Variants in CCDC149 observed in about 807,000 individuals in gnomAD.
The protein encoded by CCDC149 is coiled-coil domain-containing protein 149.
CCDC149 carries 45 observed loss-of-function variants against 59.9 expected under a neutral mutation model. That is an observed-to-expected ratio of 0.75 (90% confidence interval 0.59 to 0.96). CCDC149 has a LOEUF of 0.96. Ranked by LOEUF, CCDC149 falls within the 40% of genes least tolerant of loss-of-function variation. CCDC149 has a pLI of 0.00. For synonymous variants in CCDC149, 245 were observed against 260.6 expected, an observed-to-expected ratio of 0.94 and a Z score of 0.58; for missense variants, 584 against 664.7, an observed-to-expected ratio of 0.88 and a Z score of 1.33.
chr4:24,834,680 G>C (rs146005182), intron 8 of CCDC149, among the ~76,000 whole-genome samples: 1 of 152,142 alleles, frequency 6.6e-6, no homozygotes, highest in Non-Finnish European at 1.5e-5. Flanking sequence ...CTAATCCAGC[G>C]TCAGTATCAC....
chr4:24,975,356 G>A lies in CCDC149; in HGVS notation c.-65+4713C>T, dbSNP rs561308894. Among the ~76,000 whole-genome samples, 334 of 144,570 alleles carry A rather than the reference G, an allele frequency of 2.3e-3. 3 individuals carry two copies. Among genetic ancestry groups the A allele is most frequent in the African/African-American group, 8.2e-3 (316 of 38,722 alleles). The allele number at this position is 144,570 out of a possible 152,430, so 94.8% of individuals were successfully genotyped here. A position where few individuals can be genotyped will look rare whatever the true frequency, so the allele number is the denominator to read the frequency against. On this transcript the variant is annotated intron_variant, in intron 1 of 12. Transcript: ENST00000389609. The stretch of plus-strand genomic sequence containing the variant: ...AGAAGGGGGAAGGAGAGGGAGGGGA[G>A]GGGAGGAGAAGGCAGAGAAGAGGAG...
In CCDC149 at chr4:24,892,984, G is replaced by A. The variant is rs140487266; in HGVS notation, c.64-16287C>T. On this transcript the variant is annotated intron_variant, in intron 1 of 12. Coordinates refer to ENST00000635206, the MANE Select transcript of CCDC149 (RefSeq NM_001330643.2). ...AAGCACTCCAGACAGAGAGAAAAGGGGGCTGATCGCCCTCATTAACAAACC... is the reference window on the plus strand; with the variant it reads ...AAGCACTCCAGACAGAGAGAAAAGGAGGCTGATCGCCCTCATTAACAAACC... 1.3e-4 allele frequency among the ~76,000 whole-genome samples: 20 copies of A among 152,244 alleles called. No homozygotes were observed. The East Asian group carries it at 3.9e-3, about 29-fold the overall frequency.
chr4:24,910,510 C>G (rs958679301), intron 1 of CCDC149, among the ~76,000 whole-genome samples: 1 of 152,110 alleles, frequency 6.6e-6, no homozygotes, highest in African/African-American at 2.4e-5. Context: ...GACCCATAAA[C>G]TTGAATTTTT....
At chr4:24,848,965 A>C (rs749943679) in intron 4 of CCDC149, among the ~76,000 whole-genome samples, 12 of 152,160 alleles carry the variant, frequency 7.9e-5, no homozygotes, top group Non-Finnish European at 1.8e-4. Context: ...TCAGGCATCC[A>C]CTGGGGGTCT....
intron 1 of CCDC149, among the ~76,000 whole-genome samples, chr4:24,959,703 G>GA (rs1723581925): frequency 6.6e-6 from 1 of 152,144 alleles, no homozygotes; most frequent in Non-Finnish European, 1.5e-5. Context: ...TAAAGACAGA[G>GA]ATGACAACAG....
At chr4:24,978,474 T>C (rs985041867) in intron 1 of CCDC149, among the ~76,000 whole-genome samples, 2 of 152,220 alleles carry the variant, frequency 1.3e-5, no homozygotes, top group African/African-American at 4.8e-5. Context: ...TCACATTCTA[T>C]TTCTGTTGGC....
chr4:24,946,320 C>A (rs2109351775), intron 1 of CCDC149, among the ~76,000 whole-genome samples: 1 of 152,264 alleles, frequency 6.6e-6, no homozygotes, highest in African/African-American at 2.4e-5. Context: ...TCCAATAAAT[C>A]CCTTTTTGTA....
intron 3 of CCDC149, among the ~76,000 whole-genome samples, chr4:24,872,974 G>A (rs116276963): frequency 5.4e-4 from 39 of 72,614 alleles, no homozygotes; most frequent in African/African-American, 1.5e-3. Context: ...GTATGCACCC[G>A]CAGAATGGTA....
intron 1 of CCDC149, among the ~76,000 whole-genome samples, chr4:24,880,514 G>A (rs1487991115): frequency 6.6e-6 from 1 of 152,128 alleles, no homozygotes; most frequent in Non-Finnish European, 1.5e-5. Flanking sequence ...AAATTTCTTG[G>A]CCTCATTCTA....
downstream of CCDC149, among the ~76,000 whole-genome samples, chr4:24,803,804 A>C (rs1442918544): frequency 6.6e-6 from 1 of 152,236 alleles, no homozygotes; most frequent in East Asian, 1.9e-4. This position sits in a 1 kb window ranked among gnomAD's most constrained non-coding sequence, Gnocchi z 4.3. Context: ...GCATCCAAAA[A>C]ATTCTCATTT....
chr4:24,952,595 C>CA (rs869310845), intron 1 of CCDC149, among the ~76,000 whole-genome samples: 5 of 41,402 alleles, frequency 1.2e-4, no homozygotes, highest in African/African-American at 2.5e-4. Context: ...AACTCCATCT[C>CA]AAAAAAAAAA....
At position 24,838,256 on chromosome 4, in the gene CCDC149, A is replaced by G. The variant is rs145660766; in HGVS notation, c.389T>C (p.Ile130Thr). 6.3e-5 allele frequency: 102 copies of G among 1,613,918 alleles called. No individual in the cohort carries two copies. Among genetic ancestry groups the G allele is most frequent in the Non-Finnish European group, 8.1e-5 (95 of 1,179,880 alleles). ...TTCGTCTCCGAGCCTTTGTTTGGCA[A>G]TCGTCATCCTCAAGAGCTGCATTTT... is the stretch of plus-strand genomic sequence containing the variant. Residue 130 changes from isoleucine (I) to threonine (T), a missense_variant, in exon 5 of 13, where the codon ATT (isoleucine) becomes ACT (threonine). Coordinates refer to ENST00000635206, the MANE Select transcript of CCDC149 (RefSeq NM_001330643.2).
At chr4:24,882,577 T>C (rs922508146) in intron 1 of CCDC149, among the ~76,000 whole-genome samples, 1 of 152,222 alleles carries the variant, frequency 6.6e-6, no homozygotes, top group African/African-American at 2.4e-5. Flanking sequence ...ACTGAAAATG[T>C]GTTCCTATCT....
intron 4 of CCDC149, among the ~76,000 whole-genome samples, chr4:24,841,574 G>A (rs1716939162): frequency 1.3e-5 from 2 of 152,212 alleles, no homozygotes; most frequent in African/African-American, 4.8e-5. Context: ...TGTGTCTGAA[G>A]CTTAAGTGCA....
In CCDC149 at chr4:24,808,156, A is replaced by T. The variant is rs1277744861; in HGVS notation, c.*233T>A. 1.6e-5 allele frequency: 6 copies of T among 369,376 alleles called. No individual in the cohort carries two copies. Among genetic ancestry groups the T allele is most frequent in the Non-Finnish European group, 2.9e-5 (6 of 207,606 alleles). 22.9% of individuals were successfully genotyped at this position (369,376 alleles called of 1,614,324 possible). ...TGGGCCTGGCCCTGTTCACAGTAGC[A>T]CTCTCTGGCAGAAAAGAGATGACAC... On this transcript the variant is annotated 3_prime_UTR_variant, in exon 13 of 13. Transcript: ENST00000635206.
At chr4:24,965,517 A>G (rs904203792) in intron 1 of CCDC149, among the ~76,000 whole-genome samples, 2 of 152,242 alleles carry the variant, frequency 1.3e-5, no homozygotes, top group Non-Finnish European at 2.9e-5. Flanking sequence ...CAATGTTTCA[A>G]ACTAAATAAC....
At chr4:24,883,298 T>C (rs1719959552) in intron 1 of CCDC149, among the ~76,000 whole-genome samples, 1 of 152,080 alleles carries the variant, frequency 6.6e-6, no homozygotes, top group African/African-American at 2.4e-5. Flanking sequence ...GCTTTTCTAT[T>C]TGAAAAGTCT....
At chr4:24,932,079 G>C (rs913169893) in intron 1 of CCDC149, among the ~76,000 whole-genome samples, 1 of 151,794 alleles carries the variant, frequency 6.6e-6, no homozygotes, top group African/African-American at 2.4e-5. Context: ...AGCACAGCCA[G>C]TTTAGTTCCA....
At chr4:24,874,252 T>TTTTTTTG (rs1560230448) in intron 2 of CCDC149, among the ~76,000 whole-genome samples, 17 of 70,112 alleles carry the variant, frequency 2.4e-4, no homozygotes, top group African/African-American at 1.1e-3. Context: ...TTGTTTTTTT[T>TTTTTTTG]TTTTTTTGTT....
Sources: allele counts gnomAD v4.1 joint callset (sites outside exome capture counted in the v4.1 genomes callset), GRCh38; gene constraint gnomAD v4.1.1; non-coding constraint Gnocchi (gnomAD v3.1); transcripts MANE v1.5; gene names NCBI Gene and HGNC (gene_info 2026-07-23, HGNC 2026-07-21).